FBRSL1: variants seen among roughly 807,000 people sequenced by gnomAD.
FBRSL1 encodes the protein fibrosin-1-like protein.
A neutral mutation model predicts 89.6 loss-of-function variants in FBRSL1; 51 were observed. The observed-to-expected ratio is 0.57, with a 90% CI of 0.45 to 0.72. The LOEUF is 0.72. Among genes scored for constraint, FBRSL1 ranks in the 30% least tolerant of loss-of-function variants. The pLI is 0.00. For synonymous variants in FBRSL1, 779 were observed against 681.1 expected (o/e 1.14, Z -2.24); for missense variants, 1,618 against 1,451.8 (o/e 1.11, Z -1.86).
intron 18 of FBRSL1, among the ~76,000 whole-genome samples, 185 bp downstream of exon 18, chr12:132,582,451 C>T (rs1442668485): frequency 6.6e-6 from 1 of 151,298 alleles, no homozygotes; most frequent in East Asian, 1.9e-4. Flanking sequence ...CCTCCTCGCC[C>T]CACTGCTGCG....
chr12:132,570,061 G>T lies in FBRSL1; in HGVS notation c.827G>T (p.Gly276Val). Residue 276 changes from glycine (G) to valine (V), a missense_variant, in exon 7 of 19, where the codon GGG becomes GTG. Physicochemically the swap from Gly to Val is moderately radical, Grantham distance 109. Coordinates refer to ENST00000680143, the MANE Select transcript of FBRSL1 (RefSeq NM_001367871.1). The part of the protein sequence containing the change: ...SPAPHAAPCP[G>V]PPPGSRANPL... ...GCGCCCCATGCCGCGCCCTGCCCGG[G>T]GCCCCCGCCCGGCTCCCGCGCCAAT... The T allele has an allele frequency of 2.7e-6, 4 of 1,497,092 alleles. 1 individual carries two copies. The South Asian group carries it at 5.0e-5, about 19-fold the overall frequency. The allele number at this position is 1,497,092 out of a possible 1,614,324, so 92.7% of individuals were successfully genotyped here.
chr12:132,509,192 C>T (rs1318560322), intron 2 of FBRSL1: 1 of 1,246,284 alleles, frequency 8.0e-7, no homozygotes, highest in Non-Finnish European at 1.0e-6. Context: ...GGGGGCCGCT[C>T]CCAGCCAGCC....
Position 132,574,669 on chromosome 12 carries a change from G to A in FBRSL1, c.1701+105G>A, listed in dbSNP as rs1047277625. The A allele has an allele frequency of 1.9e-5, 26 of 1,374,552 alleles. No homozygotes were observed. In the South Asian group the frequency reaches 2.2e-4, roughly 12 times the overall value. The allele number at this position is 1,374,552 out of a possible 1,614,324, so 85.1% of individuals were successfully genotyped here. On this transcript the variant is annotated intron_variant, in intron 14 of 18. Coordinates refer to ENST00000680143, the MANE Select transcript of FBRSL1 (RefSeq NM_001367871.1). ...TGTGTGTGTTCACACGCGTGTGCACGGGTGTGATCCTCACGCGTGAGCCGC... is the reference window on the plus strand; with the variant it reads ...TGTGTGTGTTCACACGCGTGTGCACAGGTGTGATCCTCACGCGTGAGCCGC...
chr12:132,571,731 G>A, intron 9 of FBRSL1: 1 of 370,658 alleles, frequency 2.7e-6, no homozygotes, highest in Non-Finnish European at 4.7e-6. Flanking sequence ...CCTCGGCAGT[G>A]GTCCTGGACT....
intron 18 of FBRSL1, among the ~76,000 whole-genome samples, 158 bp downstream of exon 18, chr12:132,582,424 C>T (rs2040834880): frequency 6.7e-6 from 1 of 150,272 alleles, no homozygotes; most frequent in Non-Finnish European, 1.5e-5. Context: ...CGTTCCCCCT[C>T]CCCCATTCCC....
intron 2 of FBRSL1, among the ~76,000 whole-genome samples, chr12:132,516,877 TA>T (rs1161608252): frequency 6.6e-6 from 1 of 152,232 alleles, no homozygotes; most frequent in African/African-American, 2.4e-5. Context: ...GGGATGTTAC[TA>T]AATAGTTCAT....
chr12:132,564,916 G>A (rs1035368558), intron 5 of FBRSL1, among the ~76,000 whole-genome samples: 4 of 141,808 alleles, frequency 2.8e-5, no homozygotes, highest in African/African-American at 5.8e-5. Context: ...GGCGTGAGCC[G>A]CGGCCGGCCG....
chr12:132,531,007 G>GA (rs2036231221), intron 4 of FBRSL1, among the ~76,000 whole-genome samples: 1 of 136,302 alleles, frequency 7.3e-6, no homozygotes, highest in Non-Finnish European at 1.6e-5. Flanking sequence ...GGGGGGGGGT[G>GA]CAGGTGAGAG....
At chr12:132,565,508 T>TGTACACATACCCGAGTGTGCTCAC (rs2039538523) in intron 5 of FBRSL1, 1 of 30,690 alleles carries the variant, frequency 3.3e-5, no homozygotes, top group African/African-American at 2.7e-4. Flanking sequence ...ACTGTCCTCA[T>TGTACACATACCCGAGTGTGCTCAC]GTACACGTAC....
chr12:132,542,182 C>T (rs1038434864), intron 4 of FBRSL1, among the ~76,000 whole-genome samples: 3 of 152,242 alleles, frequency 2.0e-5, no homozygotes, highest in Non-Finnish European at 2.9e-5. Flanking sequence ...ACACGCAGGA[C>T]GCGCCACGGC....
Position 132,535,884 on chromosome 12 carries a change from G to C in FBRSL1, c.615+7896G>C, listed in dbSNP as rs186094970. Among the ~76,000 whole-genome samples the C allele has an allele frequency of 2.7e-5, 4 of 149,218 alleles. No individual in the cohort carries two copies. In the East Asian group the frequency reaches 8.0e-4, roughly 30 times the overall value. ...TGTGTCCATGATGGTGTGAGTGCAC[G>C]TGTCCATGGTGTGTGAGTGCACGTG... On this transcript the variant is annotated intron_variant, in intron 4 of 18. Coordinates refer to ENST00000680143, the MANE Select transcript of FBRSL1 (RefSeq NM_001367871.1).
intron 5 of FBRSL1, chr12:132,554,329 T>G (rs1384792065): frequency 1.3e-5 from 2 of 152,128 alleles, no homozygotes; most frequent in African/African-American, 4.8e-5. Context: ...ACCTGCACCC[T>G]CAGGAGGCCC....
chr12:132,581,630 A>C (rs1314976272), intron 16 of FBRSL1, 111 bp from the exon 17 acceptor site: 1 of 1,472,868 alleles, frequency 6.8e-7, no homozygotes, highest in Non-Finnish European at 9.3e-7. Flanking sequence ...CCCTTGGGTC[A>C]TGCAGGCAGT....
chr12:132,502,003 C>T lies in FBRSL1; in HGVS notation c.292-6150C>T, dbSNP rs150692345. On this transcript the variant is annotated intron_variant, in intron 1 of 18. Coordinates refer to ENST00000680143, the MANE Select transcript of FBRSL1 (RefSeq NM_001367871.1). Reference sequence around the variant, plus strand: ...GACTTGCCTTTCCTTTTATTCTTTTCGTTATTGTGAGGAAGTCTGTTTGTA... The same window carrying T: ...GACTTGCCTTTCCTTTTATTCTTTTTGTTATTGTGAGGAAGTCTGTTTGTA... Among the ~76,000 whole-genome samples the T allele has an allele frequency of 2.1e-3, 320 of 152,324 alleles. 1 individual carries two copies. The highest frequency in any genetic ancestry group is 7.6e-3 in the African/African-American group (314 of 41,560).
Position 132,583,630 on chromosome 12 carries a change from G to T in FBRSL1, c.2861G>T (p.Gly954Val). The T allele has an allele frequency of 2.0e-6, 2 of 997,674 alleles. No homozygotes were observed. The highest frequency in any genetic ancestry group is 2.4e-6 in the Non-Finnish European group (2 of 838,702). 61.8% of individuals were successfully genotyped at this position (997,674 alleles called of 1,614,324 possible). ...ACCCCGCCCGCCGCCGCCGCCCTCGGCGCACCGCCCCCCCTGGTGACGGCG... is the reference window on the plus strand; with the variant it reads ...ACCCCGCCCGCCGCCGCCGCCCTCGTCGCACCGCCCCCCCTGGTGACGGCG... ...ARTPPAAAAL[G>V]APPPLVTAAG... Residue 954 changes from glycine to valine, a missense_variant, in exon 19 of 19, where the codon GGC becomes GTC. Physicochemically the swap from Gly to Val is moderately radical, Grantham distance 109. Transcript: ENST00000680143.
chr12:132,577,495 G>A (rs560981740), intron 15 of FBRSL1, among the ~76,000 whole-genome samples: 4 of 152,286 alleles, frequency 2.6e-5, no homozygotes, highest in South Asian at 2.1e-4. Flanking sequence ...GTCCCAGGAC[G>A]GGCCCAGCTG....
intron 4 of FBRSL1, among the ~76,000 whole-genome samples, chr12:132,534,963 G>A (rs1424998010): frequency 6.6e-6 from 1 of 152,248 alleles, no homozygotes; most frequent in Non-Finnish European, 1.5e-5. Flanking sequence ...CCATCCACCA[G>A]GCAGGACAGC....
chr12:132,548,144 G>A (rs1265540834), intron 5 of FBRSL1, 112 bp downstream of exon 5: 13 of 1,332,414 alleles, frequency 9.8e-6, no homozygotes, highest in African/African-American at 2.9e-5. Flanking sequence ...GCCTTGGGGG[G>A]ATCCCCCCGC....
At chr12:132,510,824 G>A (rs775677508) in intron 2 of FBRSL1, 31 of 1,098,238 alleles carry the variant, frequency 2.8e-5, no homozygotes, top group Non-Finnish European at 3.3e-5. Context: ...ACCTTGCTGG[G>A]GGCCCCTCAG....
Sources: allele counts gnomAD v4.1 joint callset (sites outside exome capture counted in the v4.1 genomes callset), GRCh38; gene constraint gnomAD v4.1.1; transcripts MANE v1.5; gene names NCBI Gene and HGNC (gene_info 2026-07-23, HGNC 2026-07-21).